Variants in HS6ST3 observed in about 807,000 individuals in gnomAD.
HS6ST3 encodes the protein heparan-sulfate 6-O-sulfotransferase 3.
HS6ST3 carries 12 observed loss-of-function variants against 36.7 expected under a neutral mutation model. That is an observed-to-expected ratio of 0.33 (90% CI 0.21 to 0.53). The LOEUF is 0.53. Ranked by LOEUF, HS6ST3 falls within the 20% of genes least tolerant of loss-of-function variation. HS6ST3 has a pLI of 0.95. For synonymous variants in HS6ST3, 240 were observed against 257.5 expected, an observed-to-expected ratio of 0.93 and a Z score of 0.65; for missense variants, 584 against 640.9, an observed-to-expected ratio of 0.91 and a Z score of 0.96.
chr13:96,355,519 T>A (rs2055206130), intron 1 of HS6ST3, among the ~76,000 whole-genome samples: 1 of 152,188 alleles, frequency 6.6e-6, no homozygotes, highest in Non-Finnish European at 1.5e-5. Flanking sequence ...GGTTTCCTAG[T>A]ACATATAAAT....
rs559027610 is a variant in HS6ST3, at chr13:96,158,921, G to A, written c.707+67352G>A. On this transcript the variant is annotated intron_variant, in intron 1 of 1. Transcript: ENST00000376705. ...GGTCCTTTGTGATGATGACTGAGCA[G>A]GAGGTCTGGGGGCAAGGACACATAG... is the stretch of plus-strand genomic sequence containing the variant. Among the ~76,000 whole-genome samples, 112 of 152,248 alleles carry A rather than the reference G, an allele frequency of 7.4e-4. 1 individual carries two copies. Among genetic ancestry groups the A allele is most frequent in the African/African-American group, 2.4e-3 (99 of 41,556 alleles).
At chr13:96,573,239 C>T (rs1392239589) in intron 1 of HS6ST3, among the ~76,000 whole-genome samples, 1 of 152,200 alleles carries the variant, frequency 6.6e-6, no homozygotes, top group Non-Finnish European at 1.5e-5. Context: ...ATCTCCCTGT[C>T]TACTCTTAAT....
intron 1 of HS6ST3, among the ~76,000 whole-genome samples, chr13:96,494,807 C>T (rs754571765): frequency 6.6e-6 from 1 of 152,208 alleles, no homozygotes; most frequent in Non-Finnish European, 1.5e-5. Flanking sequence ...ATAAAACTGA[C>T]TGCTATATTG....
At chr13:96,630,857 G>A (rs2056529617) in intron 1 of HS6ST3, among the ~76,000 whole-genome samples, 1 of 152,138 alleles carries the variant, frequency 6.6e-6, no homozygotes, top group South Asian at 2.1e-4. Context: ...TTGATGGGAA[G>A]TTGTTGGGAA....
intron 1 of HS6ST3, among the ~76,000 whole-genome samples, chr13:96,713,020 A>G (rs1354632326): frequency 6.6e-6 from 1 of 152,194 alleles, no homozygotes; most frequent in African/African-American, 2.4e-5. Flanking sequence ...TGAGGATATA[A>G]AAAGGATGCA....
intron 1 of HS6ST3, among the ~76,000 whole-genome samples, chr13:96,458,313 A>G (rs1018538940): frequency 7.9e-5 from 12 of 151,884 alleles, no homozygotes; most frequent in African/African-American, 2.9e-4. Flanking sequence ...AGTTAAAAAA[A>G]AGAGAGAGAG....
chr13:96,195,072 A>G (rs2054305679), intron 1 of HS6ST3, among the ~76,000 whole-genome samples: 1 of 152,212 alleles, frequency 6.6e-6, no homozygotes, highest in Non-Finnish European at 1.5e-5. Flanking sequence ...TACTCCTTCA[A>G]GAGAGCAATA....
chr13:96,351,320 C>CTTTTTTTT (rs11348541), intron 1 of HS6ST3, among the ~76,000 whole-genome samples: 4 of 143,148 alleles, frequency 2.8e-5, no homozygotes, highest in African/African-American at 8.0e-5. Context: ...AGGTGGCAGT[C>CTTTTTTTT]TTTTTTTTTT....
chr13:96,132,121 TACACACACACACACACAC>T (rs60692669), intron 1 of HS6ST3, among the ~76,000 whole-genome samples: 31 of 134,598 alleles, frequency 2.3e-4, no homozygotes, highest in South Asian at 2.7e-4. Flanking sequence ...AGTATTCCAG[TACACACACACACACACAC>T]ACACACACAC....
At chr13:96,501,633 A>G (rs564467067) in intron 1 of HS6ST3, among the ~76,000 whole-genome samples, 34 of 152,354 alleles carry the variant, frequency 2.2e-4, no homozygotes, top group Admixed American at 1.6e-3. Flanking sequence ...GTTCTGCCAC[A>G]GAGCCTGGGT....
intron 1 of HS6ST3, among the ~76,000 whole-genome samples, chr13:96,203,157 G>A (rs1287838777): frequency 1.3e-5 from 2 of 152,166 alleles, no homozygotes; most frequent in African/African-American, 2.4e-5. Context: ...GCCCTACTCC[G>A]TTTGCGCTGC....
intron 1 of HS6ST3, 29 bp downstream of exon 1, chr13:96,091,598 T>TGGGGGCC: frequency 6.7e-7 from 1 of 1,488,790 alleles, no homozygotes; most frequent in African/African-American, 1.4e-5. Context: ...TCTCTGTTCT[T>TGGGGGCC]CCCCCCCACC....
intron 1 of HS6ST3, among the ~76,000 whole-genome samples, chr13:96,628,156 T>A (rs1277960569): frequency 6.6e-6 from 1 of 151,966 alleles, no homozygotes; most frequent in African/African-American, 2.4e-5. Flanking sequence ...TGTAAGCTTA[T>A]TAATTTCTCT....
At chr13:96,191,656 G>A (rs184522347) in intron 1 of HS6ST3, among the ~76,000 whole-genome samples, 5 of 152,126 alleles carry the variant, frequency 3.3e-5, no homozygotes, top group African/African-American at 9.6e-5. Flanking sequence ...TTCCCATCAC[G>A]GTGTGAGCTG....
intron 1 of HS6ST3, among the ~76,000 whole-genome samples, chr13:96,350,220 A>G (rs1041207968): frequency 6.6e-5 from 10 of 152,164 alleles, no homozygotes; most frequent in African/African-American, 9.7e-5. Flanking sequence ...TTCCACATCT[A>G]TTGTTTTTCA....
intron 1 of HS6ST3, among the ~76,000 whole-genome samples, chr13:96,336,738 C>A (rs139344307): frequency 6.6e-6 from 1 of 152,174 alleles, no homozygotes; most frequent in African/African-American, 2.4e-5. Flanking sequence ...TTACGGTAGC[C>A]CTAGCAGACT....
Position 96,382,866 on chromosome 13 carries a change from T to C in HS6ST3, c.707+291297T>C, listed in dbSNP as rs147991719. 3.6e-3 allele frequency among the ~76,000 whole-genome samples: 555 copies of C among 152,354 alleles called. 3 individuals carry two copies. Among genetic ancestry groups the C allele is most frequent in the African/African-American group, 0.013 (543 of 41,578 alleles). On this transcript the variant is annotated intron_variant, in intron 1 of 1. Transcript: ENST00000376705. ...TCCTCACTCTAAGCCTAACTTATAA[T>C]TTAATTTTTCATTGTTGCTACATTC...
intron 1 of HS6ST3, among the ~76,000 whole-genome samples, chr13:96,166,204 C>T (rs1304967502): frequency 1.3e-5 from 2 of 152,088 alleles, no homozygotes; most frequent in Non-Finnish European, 2.9e-5. Context: ...GCTACAGGCA[C>T]ATGCCACAGA....
Position 96,727,105 on chromosome 13 carries a change from T to C in HS6ST3, c.708-105385T>C, listed in dbSNP as rs149202452. Among the ~76,000 whole-genome samples the C allele has an allele frequency of 2.8e-3, 420 of 152,312 alleles. 3 individuals are homozygous for C. The highest frequency in any genetic ancestry group is 4.1e-3 in the Non-Finnish European group (277 of 68,010). ...AGGAAAAGGATCATTTTCTGTCTGG[T>C]TTAATACTCTTTACTCAGCACCTAA... is the stretch of plus-strand genomic sequence containing the variant. On this transcript the variant is annotated intron_variant, in intron 1 of 1. Transcript: ENST00000376705.
Sources: allele counts gnomAD v4.1 joint callset (sites outside exome capture counted in the v4.1 genomes callset), GRCh38; gene constraint gnomAD v4.1.1; transcripts MANE v1.5; gene names NCBI Gene and HGNC (gene_info 2026-07-23, HGNC 2026-07-21).